ZNF385D: variants seen among roughly 807,000 people sequenced by gnomAD.
ZNF385D encodes the protein zinc finger protein 659.
In ZNF385D, 15 loss-of-function variants were observed where a neutral mutation model predicts 35.8. That is an observed-to-expected ratio of 0.42 (90% CI 0.28 to 0.64). The LOEUF is 0.64. Ranked by LOEUF, ZNF385D falls within the 30% of genes least tolerant of loss-of-function variation. The probability of loss-of-function intolerance (pLI) is 0.23; values close to 1 mark genes in which losing one functional copy is unlikely to be tolerated. For missense variants in ZNF385D, 474 were observed against 494.6 expected (o/e 0.96, Z 0.39); for synonymous variants, 212 against 186.8 (o/e 1.13, Z -1.10).
intron 3 of ZNF385D, among the ~76,000 whole-genome samples, chr3:22,047,478 T>C (rs1364118398): frequency 6.6e-6 from 1 of 152,138 alleles, no homozygotes; most frequent in African/African-American, 2.4e-5. Context: ...AGATTCAACA[T>C]GTACGTAAGA....
chr3:22,098,715 A>G (rs1701766332), intron 3 of ZNF385D, among the ~76,000 whole-genome samples: 2 of 152,116 alleles, frequency 1.3e-5, no homozygotes, highest in Admixed American at 1.3e-4. Flanking sequence ...TAAGCACATG[A>G]AAAATTCTCA....
intron 1 of ZNF385D, among the ~76,000 whole-genome samples, chr3:21,716,213 G>A (rs1003080287): frequency 2.0e-5 from 3 of 151,960 alleles, no homozygotes; most frequent in African/African-American, 7.2e-5. Context: ...TAGTTTCCTT[G>A]TTTCTTCCCT....
intron 2 of ZNF385D, among the ~76,000 whole-genome samples, chr3:21,582,944 A>C (rs1212571197): frequency 6.6e-6 from 1 of 151,984 alleles, no homozygotes; most frequent in Non-Finnish European, 1.5e-5. Context: ...CGCCCAGCTA[A>C]TTTTTGTATT....
At chr3:21,658,791 T>A (rs994212224) in intron 2 of ZNF385D, among the ~76,000 whole-genome samples, 1 of 152,016 alleles carries the variant, frequency 6.6e-6, no homozygotes, top group Non-Finnish European at 1.5e-5. Flanking sequence ...TGAACTCAGG[T>A]AGCATTTACT....
chr3:22,226,760 C>T (rs894325180), intron 2 of ZNF385D, among the ~76,000 whole-genome samples: 7 of 152,102 alleles, frequency 4.6e-5, no homozygotes, highest in African/African-American at 1.7e-4. Flanking sequence ...TTCTTTCACC[C>T]TCTTCACTTG....
chr3:21,576,169 A>AC (rs1381360790), intron 2 of ZNF385D, among the ~76,000 whole-genome samples: 1 of 152,186 alleles, frequency 6.6e-6, no homozygotes, highest in Non-Finnish European at 1.5e-5. Context: ...ATGTGCCAAC[A>AC]CCAGACTATT....
chr3:22,104,789 C>A (rs892812935), intron 3 of ZNF385D, among the ~76,000 whole-genome samples: 25 of 152,020 alleles, frequency 1.6e-4, no homozygotes, highest in African/African-American at 5.8e-4. Flanking sequence ...TATTCTGTGC[C>A]ACGAAGTATA....
chr3:21,811,245 A>T (rs902423449), intron 3 of ZNF385D, among the ~76,000 whole-genome samples: 3 of 152,120 alleles, frequency 2.0e-5, no homozygotes, highest in African/African-American at 7.2e-5. Flanking sequence ...GCACAGCAGC[A>T]ATGAACACCC....
At chr3:21,438,611 G>T (rs1462295584) in intron 4 of ZNF385D, among the ~76,000 whole-genome samples, 1 of 152,032 alleles carries the variant, frequency 6.6e-6, no homozygotes, top group East Asian at 1.9e-4. Context: ...ATGAATCCTT[G>T]TTGAAGGGCT....
At chr3:21,482,146 T>C (rs1704673536) in intron 4 of ZNF385D, among the ~76,000 whole-genome samples, 2 of 152,146 alleles carry the variant, frequency 1.3e-5, no homozygotes, top group African/African-American at 4.8e-5. Context: ...CAGTCTGGGC[T>C]CTTTTGTTTA....
At chr3:21,827,505 T>C (rs1375922373) in intron 3 of ZNF385D, among the ~76,000 whole-genome samples, 1 of 152,196 alleles carries the variant, frequency 6.6e-6, no homozygotes, top group Non-Finnish European at 1.5e-5. Context: ...AGGTTACTGG[T>C]TTAAGTTTAC....
chr3:21,985,116 G>A (rs1694732036), intron 3 of ZNF385D, among the ~76,000 whole-genome samples: 1 of 111,342 alleles, frequency 9.0e-6, no homozygotes, highest in African/African-American at 3.4e-5. Flanking sequence ...CTGCAAACAG[G>A]GACAATTTGA....
At chr3:22,313,252 G>A (rs575079647) in intron 2 of ZNF385D, among the ~76,000 whole-genome samples, 6 of 143,554 alleles carry the variant, frequency 4.2e-5, no homozygotes, top group East Asian at 4.4e-4. Context: ...ACTGTTGTGC[G>A]GTCGGGGGAG....
At chr3:21,644,339 T>C (rs1216466905) in intron 2 of ZNF385D, among the ~76,000 whole-genome samples, 1 of 152,128 alleles carries the variant, frequency 6.6e-6, no homozygotes, top group Non-Finnish European at 1.5e-5. Flanking sequence ...GGCCAGAGAC[T>C]CTCCCCATAG....
intron 4 of ZNF385D, among the ~76,000 whole-genome samples, chr3:21,472,470 A>G (rs1164893247): frequency 1.3e-5 from 2 of 152,170 alleles, no homozygotes; most frequent in African/African-American, 2.4e-5. Flanking sequence ...TATGCAGCCA[A>G]TCACTTATCC....
chr3:21,448,349 G>T (rs1368515645), intron 4 of ZNF385D, among the ~76,000 whole-genome samples: 2 of 152,064 alleles, frequency 1.3e-5, no homozygotes, highest in African/African-American at 4.8e-5. Context: ...ACTATAAGCT[G>T]AGTTAAGACT....
chr3:21,814,761 T>A (rs1391446567), intron 3 of ZNF385D, among the ~76,000 whole-genome samples: 1 of 152,088 alleles, frequency 6.6e-6, no homozygotes, highest in Non-Finnish European at 1.5e-5. Context: ...ACTGTCAACA[T>A]TAGACAGATC....
intron 1 of ZNF385D, among the ~76,000 whole-genome samples, chr3:21,684,375 TCTCTCTCTCTCTCTCTCTCTCTCTCTCTC>T (rs1368608587): frequency 0.053 from 3,065 of 57,916 alleles, 64 homozygotes; most frequent in African/African-American, 0.073. Flanking sequence ...CCTCTCTCTC[TCTCTCTCTCTCTCTCTCTCTCTCTCTCTC>T]CTCTCTCTCT....
chr3:21,719,042 T>C (rs191055394), intron 1 of ZNF385D, among the ~76,000 whole-genome samples: 155 of 152,338 alleles, frequency 1.0e-3, no homozygotes, highest in African/African-American at 3.6e-3. Flanking sequence ...ATTTTCCTTG[T>C]AGTAGCTATT....
Sources: allele counts gnomAD v4.1 joint callset (sites outside exome capture counted in the v4.1 genomes callset), GRCh38; gene constraint gnomAD v4.1.1; transcripts MANE v1.5; gene names NCBI Gene and HGNC (gene_info 2026-07-23, HGNC 2026-07-21).